Variants in TACR3 observed in about 807,000 individuals in gnomAD.
TACR3 encodes tachykinin receptor 3.
A neutral mutation model predicts 35.0 loss-of-function variants in TACR3; 34 were observed. The observed-to-expected ratio is 0.97, with a 90% CI of 0.74 to 1.30. The LOEUF is 1.30. Among genes scored for constraint, TACR3 ranks in the 50% most tolerant of loss-of-function variants. The pLI is 0.00. For missense variants in TACR3, 558 were observed against 591.7 expected, an observed-to-expected ratio of 0.94 and a Z score of 0.59; for synonymous variants, 233 against 221.1, an observed-to-expected ratio of 1.05 and a Z score of -0.48.
At chr4:103,608,570 A>T (rs927711305) in intron 3 of TACR3, among the ~76,000 whole-genome samples, 3 of 152,038 alleles carry the variant, frequency 2.0e-5, no homozygotes, top group South Asian at 2.1e-4. Flanking sequence ...AGAATTATGG[A>T]TGTTTTCATT....
In TACR3 at chr4:103,676,980, C is replaced by A. The variant is rs183377741; in HGVS notation, c.549-18577G>T. On this transcript the variant is annotated intron_variant, in intron 1 of 4. Coordinates refer to ENST00000304883, the MANE Select transcript of TACR3 (RefSeq NM_001059.3). The stretch of plus-strand genomic sequence containing the variant: ...TATGCATCTGACAAATGTCTAGTAT[C>A]CAGCATCTATAAAGAACTTAACAAA... Among the ~76,000 whole-genome samples, 383 of 152,142 alleles carry A rather than the reference C, an allele frequency of 2.5e-3. 2 individuals carry two copies. The highest frequency in any genetic ancestry group is 8.7e-3 in the East Asian group (45 of 5,176).
chr4:103,683,494 A>AAAAAAAAAAAAAAAAAG (rs1722150904), intron 1 of TACR3, among the ~76,000 whole-genome samples: 1 of 132,714 alleles, frequency 7.5e-6, no homozygotes, highest in African/African-American at 3.5e-5. Context: ...AAAAAAAAAA[A>AAAAAAAAAAAAAAAAAG]AGAGAGAGAG....
intron 3 of TACR3, among the ~76,000 whole-genome samples, chr4:103,637,961 T>C (rs4355395): frequency 0.36 from 55,173 of 151,832 alleles, 10,649 homozygotes; most frequent in African/African-American, 0.5. Flanking sequence ...AATGGAAGAA[T>C]ATTCCATGCT....
chr4:103,600,693 A>C (rs1280972530), intron 3 of TACR3, among the ~76,000 whole-genome samples: 1 of 152,062 alleles, frequency 6.6e-6, no homozygotes, highest in Non-Finnish European at 1.5e-5. Flanking sequence ...GAACATCTTT[A>C]TTTCTGCCTT....
At chr4:103,614,931 G>A (rs1724607048) in intron 3 of TACR3, among the ~76,000 whole-genome samples, 1 of 89,736 alleles carries the variant, frequency 1.1e-5, no homozygotes, top group Non-Finnish European at 2.0e-5. Flanking sequence ...GTCTTGCTCT[G>A]TCACCCAGTC....
At chr4:103,604,126 T>C (rs1283300264) in intron 3 of TACR3, among the ~76,000 whole-genome samples, 1 of 152,146 alleles carries the variant, frequency 6.6e-6, no homozygotes, top group African/African-American at 2.4e-5. Flanking sequence ...ATCAGGCTGC[T>C]TGACTTCAAA....
chr4:103,594,743 T>C (rs1363039282), intron 3 of TACR3, among the ~76,000 whole-genome samples: 1 of 152,020 alleles, frequency 6.6e-6, no homozygotes, highest in Non-Finnish European at 1.5e-5. Flanking sequence ...ATGTGGAAAA[T>C]GGAACAGAGA....
intron 2 of TACR3, among the ~76,000 whole-genome samples, chr4:103,656,989 T>C (rs1560824614): frequency 7.1e-6 from 1 of 141,126 alleles, no homozygotes; most frequent in Non-Finnish European, 1.5e-5. Flanking sequence ...CATGTCGACA[T>C]AGTAGTCAAA....
chr4:103,622,110 A>T (rs1459098928), intron 3 of TACR3, among the ~76,000 whole-genome samples: 1 of 152,214 alleles, frequency 6.6e-6, no homozygotes, highest in Non-Finnish European at 1.5e-5. Context: ...GAGTGATCAA[A>T]GGGTGTCTGT....
chr4:103,614,882 GTGT>G (rs1724600631), intron 3 of TACR3, among the ~76,000 whole-genome samples: 10 of 90,818 alleles, frequency 1.1e-4, no homozygotes, highest in African/African-American at 3.9e-4. Context: ...GATTATGAAT[GTGT>G]TTTTTTTTTT....
chr4:103,650,234 TG>T (rs1437991936), intron 3 of TACR3, among the ~76,000 whole-genome samples: 1 of 151,768 alleles, frequency 6.6e-6, no homozygotes, highest in Non-Finnish European at 1.5e-5. Context: ...GTGAGGTGGA[TG>T]GGGTGACACA....
chr4:103,598,960 C>A (rs1334570153), intron 3 of TACR3, among the ~76,000 whole-genome samples: 5 of 152,014 alleles, frequency 3.3e-5, no homozygotes, highest in Non-Finnish European at 5.9e-5. Context: ...TCCATATGAA[C>A]TTTAAAGTAG....
intron 3 of TACR3, among the ~76,000 whole-genome samples, chr4:103,598,971 T>A (rs1050072440): frequency 6.6e-6 from 1 of 152,160 alleles, no homozygotes; most frequent in African/African-American, 2.4e-5. Context: ...TTTAAAGTAG[T>A]TTTTCCCAGT....
chr4:103,628,506 G>T (rs183584422), intron 3 of TACR3, among the ~76,000 whole-genome samples: 1 of 152,120 alleles, frequency 6.6e-6, no homozygotes, highest in South Asian at 2.1e-4. Flanking sequence ...TACCATCAGA[G>T]AATACTATAA....
At chr4:103,607,519 G>A (rs997007612) in intron 3 of TACR3, among the ~76,000 whole-genome samples, 7 of 151,686 alleles carry the variant, frequency 4.6e-5, no homozygotes, top group Non-Finnish European at 8.8e-5. Flanking sequence ...AATCTTTATT[G>A]CTCTTAGTTT....
At chr4:103,621,417 G>A (rs1724780544) in intron 3 of TACR3, among the ~76,000 whole-genome samples, 2 of 152,044 alleles carry the variant, frequency 1.3e-5, no homozygotes, top group Non-Finnish European at 2.9e-5. Flanking sequence ...TTTTAATAAG[G>A]GTATTCATAA....
At chr4:103,696,083 G>A (rs77543533) in intron 1 of TACR3, among the ~76,000 whole-genome samples, 5,739 of 152,078 alleles carry the variant, frequency 0.038, 128 homozygotes, top group Non-Finnish European at 0.05. Flanking sequence ...TAAATAGAAT[G>A]ATCTATATCA....
intron 3 of TACR3, among the ~76,000 whole-genome samples, chr4:103,596,096 C>A (rs933426122): frequency 2.7e-5 from 4 of 149,528 alleles, no homozygotes; most frequent in Non-Finnish European, 5.9e-5. Context: ...TTTTTTATGG[C>A]TGCATAGTAT....
intron 3 of TACR3, among the ~76,000 whole-genome samples, chr4:103,653,033 A>G (rs1725656275): frequency 1.3e-5 from 2 of 152,252 alleles, no homozygotes; most frequent in African/African-American, 4.8e-5. Context: ...CCTAGATATC[A>G]ATGCTCATAC....
Sources: allele counts gnomAD v4.1 joint callset (sites outside exome capture counted in the v4.1 genomes callset), GRCh38; gene constraint gnomAD v4.1.1; transcripts MANE v1.5; gene names NCBI Gene and HGNC (gene_info 2026-07-23, HGNC 2026-07-21).